Variants in ERMP1 observed in about 807,000 individuals in gnomAD.
ERMP1 encodes the protein endoplasmic reticulum metallopeptidase 1, also known as Felix-ina.
A neutral mutation model predicts 92.0 loss-of-function variants in ERMP1; 86 were observed. The observed-to-expected ratio is 0.93, with a 90% CI of 0.79 to 1.12. ERMP1 has a LOEUF of 1.12. Ranked by LOEUF, ERMP1 falls within the 50% of genes most tolerant of loss-of-function variation. ERMP1 has a pLI of 0.00. For missense variants in ERMP1, 1,342 were observed against 1,116.3 expected, an observed-to-expected ratio of 1.20 and a Z score of -2.88; for synonymous variants, 530 against 412.8, an observed-to-expected ratio of 1.28 and a Z score of -3.44.
At chr9:5,821,644 TAATA>T (rs777478990) in intron 4 of ERMP1, among the ~76,000 whole-genome samples, 19 of 152,158 alleles carry the variant, frequency 1.2e-4, no homozygotes, top group Non-Finnish European at 2.1e-4. Flanking sequence ...ACTTATGCAT[TAATA>T]TATATGTACA....
chr9:5,831,675 G>C (rs1466457539), intron 1 of ERMP1, among the ~76,000 whole-genome samples: 2 of 152,152 alleles, frequency 1.3e-5, no homozygotes, highest in Non-Finnish European at 2.9e-5. Context: ...ACTCCTGAAC[G>C]TTACAGATTC....
At chr9:5,820,800 G>A (rs146840035) in intron 4 of ERMP1, among the ~76,000 whole-genome samples, 1 of 152,192 alleles carries the variant, frequency 6.6e-6, no homozygotes, top group Admixed American at 6.5e-5. Context: ...TCCAAACCCA[G>A]GAGGGCCTTT....
intron 13 of ERMP1, among the ~76,000 whole-genome samples, chr9:5,796,113 AT>A (rs879520627): frequency 6.6e-6 from 1 of 152,258 alleles, no homozygotes; most frequent in Non-Finnish European, 1.5e-5. Flanking sequence ...AAAAGCCATT[AT>A]TGTTAAAATA....
intron 5 of ERMP1, among the ~76,000 whole-genome samples, chr9:5,860,282 C>T (rs1158254458): frequency 6.7e-6 from 1 of 150,034 alleles, no homozygotes; most frequent in Non-Finnish European, 1.5e-5. Flanking sequence ...GCAGCCAGAC[C>T]CTGTTTCCAA....
intron 2 of ERMP1, among the ~76,000 whole-genome samples, chr9:5,827,592 T>G (rs944742965): frequency 6.6e-6 from 1 of 152,194 alleles, no homozygotes; most frequent in Non-Finnish European, 1.5e-5. Flanking sequence ...CCAGGCGCAG[T>G]GGCTCACACC....
Position 5,811,208 on chromosome 9 carries a change from A to G in ERMP1, c.1230T>C (p.Ile410=). The part of the protein sequence containing the change: ...VFFDVLGLFV[I]AYPSRIGSII... The stretch of plus-strand genomic sequence containing the variant: ...TTGAGCCAATACGAGAGGGGTAGGC[A>G]ATGACAAACAGGCCCAGCACATCAA... Residue 410 remains isoleucine (I), a synonymous_variant, in exon 7 of 15, where the codon ATT becomes ATC. Transcript: ENST00000339450. The G allele has an allele frequency of 6.2e-7, 1 of 1,614,116 alleles. No individual in the cohort carries two copies.
At chr9:5,854,762 G>A (rs1057327804) in intron 6 of ERMP1, among the ~76,000 whole-genome samples, 3 of 152,090 alleles carry the variant, frequency 2.0e-5, no homozygotes, top group African/African-American at 7.2e-5. Flanking sequence ...CCTGACCTCA[G>A]GTAATCCACT....
At chr9:5,808,893 A>G (rs1239588783) in intron 8 of ERMP1, among the ~76,000 whole-genome samples, 1 of 151,566 alleles carries the variant, frequency 6.6e-6, no homozygotes, top group Non-Finnish European at 1.5e-5. Flanking sequence ...ACACACCACC[A>G]TGCCTGGCTA....
intron 2 of ERMP1, among the ~76,000 whole-genome samples, chr9:5,828,839 T>C (rs1829824230): frequency 6.6e-6 from 1 of 152,230 alleles, no homozygotes; most frequent in Non-Finnish European, 1.5e-5. Flanking sequence ...TACAGCCTTC[T>C]TATATAATGT....
At chr9:5,859,800 G>A (rs7041923) in intron 5 of ERMP1, among the ~76,000 whole-genome samples, 47,463 of 152,054 alleles carry the variant, frequency 0.31, 7,816 homozygotes, top group East Asian at 0.53. Flanking sequence ...TTTACTGAGT[G>A]ACTGCTATTC....
chr9:5,865,398 C>CT (rs1461661491), intron 5 of ERMP1, among the ~76,000 whole-genome samples: 1 of 152,018 alleles, frequency 6.6e-6, no homozygotes. Context: ...GTCCCAGCTA[C>CT]TTGGGAGGCT....
rs1271168404 is a variant in ERMP1 at position 5,842,442 on chromosome 9, AAAAAAAAAG to A, written n.3200-9139_3200-9131del. 1.0e-4 allele frequency among the ~76,000 whole-genome samples: 15 copies of A among 150,512 alleles called. No homozygotes were observed. In the East Asian group the frequency reaches 3.0e-3, roughly 30 times the overall value. On this transcript the variant is annotated intron_variant and non_coding_transcript_variant, in intron 6 of 6. Coordinates refer to the ERMP1 transcript ENST00000690753. ...GCAGAACGAGACTGTCTCAAAAAAA[AAAAAAAAAG>A]AAAGAAAAGAAAAAAGAAAAAAAGA...
chr9:5,845,007 A>C (rs1830217707), intron 6 of ERMP1, among the ~76,000 whole-genome samples: 1 of 152,164 alleles, frequency 6.6e-6, no homozygotes, highest in African/African-American at 2.4e-5. Flanking sequence ...CAAAGCGAAC[A>C]GGGGAAAATG....
chr9:5,801,333 AACAC>A lies in ERMP1; in HGVS notation c.1915-9_1915-6del. On this transcript the variant is annotated splice_region_variant and splice_polypyrimidine_tract_variant and intron_variant, in intron 10 of 14. Transcript: ENST00000339450. ...GGCAAGGTAGATGAAGTTAATCTGA[AACAC>A]AAACCACAAACACAGAAATATTACA... 6.2e-7 allele frequency: 1 copy of A among 1,606,684 alleles called. No individual in the cohort carries two copies. Among genetic ancestry groups the A allele is most frequent in the Non-Finnish European group, 8.5e-7 (1 of 1,177,472 alleles).
intron 10 of ERMP1, among the ~76,000 whole-genome samples, chr9:5,802,799 G>A (rs1828721124): frequency 6.6e-6 from 1 of 152,198 alleles, no homozygotes; most frequent in Non-Finnish European, 1.5e-5. Context: ...GGGGTCAGGA[G>A]GAGAAGACTC....
Position 5,840,384 on chromosome 9 carries a change from A to T in ERMP1, n.3200-7072T>A, listed in dbSNP as rs139172170. On this transcript the variant is annotated intron_variant and non_coding_transcript_variant, in intron 6 of 6. Coordinates refer to the ERMP1 transcript ENST00000690753. The stretch of plus-strand genomic sequence containing the variant: ...GATTCCTACATAAGCTAAAATGGTA[A>T]ATCATGCCATAGCCAAGGGTTCACA... Among the ~76,000 whole-genome samples, 165 of 152,298 alleles carry T rather than the reference A, an allele frequency of 1.1e-3. 3 individuals carry two copies. The highest frequency in any genetic ancestry group is 3.8e-3 in the African/African-American group (157 of 41,554).
chr9:5,797,035 A>G (rs1828454596), intron 13 of ERMP1, among the ~76,000 whole-genome samples: 1 of 148,940 alleles, frequency 6.7e-6, no homozygotes, highest in Non-Finnish European at 1.5e-5. Flanking sequence ...ATTGCTCCAA[A>G]AAATAAAAAT....
rs1829038510 is a variant in ERMP1, at chr9:5,810,219, T to C, written c.1340A>G (p.Lys447Arg). 1 of 1,613,392 alleles carries C rather than the reference T, an allele frequency of 6.2e-7. No homozygotes were observed. The highest frequency in any genetic ancestry group is 1.3e-5 in the African/African-American group (1 of 74,928). Residue 447 changes from lysine to arginine, a missense_variant, in exon 8 of 15, where the codon AAG becomes AGG. Physicochemically the swap from Lys to Arg is conservative, Grantham distance 26. Transcript: ENST00000339450. Reference sequence around the variant, plus strand: ...GCCAAGTCCACACAAGAAGTCCTTCTTGTAGTTACCAGCTAATGAAGAGAA... The same window carrying C: ...GCCAAGTCCACACAAGAAGTCCTTCCTGTAGTTACCAGCTAATGAAGAGAA... ...LQPKHKTGNY[K>R]KDFLCGLGIT...
At chr9:5,804,409 T>A (rs1001556109) in intron 10 of ERMP1, among the ~76,000 whole-genome samples, 2 of 152,138 alleles carry the variant, frequency 1.3e-5, no homozygotes, top group Non-Finnish European at 2.9e-5. Flanking sequence ...AAAAAAGGGA[T>A]GGCAAACACA....
Sources: gnomAD v4.1 joint callset for allele counts (sites outside exome capture counted in the v4.1 genomes callset) on GRCh38, gnomAD v4.1.1 for gene constraint, MANE v1.5 for transcripts, NCBI Gene and HGNC (gene_info 2026-07-23, HGNC 2026-07-21) for gene names.